CRHR2: variants seen among roughly 807,000 people sequenced by gnomAD.
CRHR2 encodes the protein corticotropin releasing hormone receptor 2.
Under a neutral mutation model 57.9 loss-of-function variants are expected in CRHR2, and 53 were observed. The observed-to-expected ratio is 0.92, with a 90% confidence interval of 0.73 to 1.15. CRHR2 has a LOEUF of 1.15. Ranked by LOEUF, CRHR2 falls within the 50% of genes most tolerant of loss-of-function variation. CRHR2 has a pLI of 0.00. For missense variants in CRHR2, 532 were observed against 542.6 expected (o/e 0.98, Z 0.19); for synonymous variants, 213 against 220.9 (o/e 0.96, Z 0.32).
chr7:30,689,290 G>A (rs2128150618), intron 1 of CRHR2: 2 of 1,549,562 alleles, frequency 1.3e-6, no homozygotes, highest in Non-Finnish European at 1.7e-6. Flanking sequence ...GCTGCCTAGG[G>A]GACAGCAAGG....
intron 1 of CRHR2, among the ~76,000 whole-genome samples, chr7:30,699,231 A>T (rs979679168): frequency 2.0e-5 from 3 of 152,022 alleles, no homozygotes; most frequent in Non-Finnish European, 4.4e-5. Flanking sequence ...CTCTCTTTTG[A>T]TGGTCGCTCT....
In CRHR2 at chr7:30,665,351, C is replaced by T. The variant is rs1306383648; in HGVS notation, c.426-164G>A. Reference sequence around the variant, plus strand: ...GTTGGGCCTCTGAGTCCAGCTCCCACTCTGCACCCCACATGCCTGCTGGTG... The same window carrying T: ...GTTGGGCCTCTGAGTCCAGCTCCCATTCTGCACCCCACATGCCTGCTGGTG... On this transcript the variant is annotated intron_variant, in intron 4 of 11. Coordinates refer to ENST00000471646, the MANE Select transcript of CRHR2 (RefSeq NM_001883.5). This position sits in a 1 kb window ranked among gnomAD's most constrained non-coding sequence, Gnocchi z 4.5. 6.6e-6 allele frequency among the ~76,000 whole-genome samples: 1 copy of T among 152,162 alleles called. No homozygotes were observed. Among genetic ancestry groups the T allele is most frequent in the Non-Finnish European group, 1.5e-5 (1 of 68,026 alleles).
chr7:30,670,088 G>C (rs1247469757), intron 2 of CRHR2, among the ~76,000 whole-genome samples: 1 of 151,796 alleles, frequency 6.6e-6, no homozygotes, highest in Non-Finnish European at 1.5e-5. Context: ...TATTGCCCTT[G>C]AACCACAATA....
chr7:30,663,674 T>G (rs567393932), intron 5 of CRHR2, among the ~76,000 whole-genome samples: 1 of 152,202 alleles, frequency 6.6e-6, no homozygotes, highest in Non-Finnish European at 1.5e-5. Flanking sequence ...CCTGCCCCTT[T>G]AGAGCCACGC....
At chr7:30,667,836 A>T (rs1784235261) in intron 2 of CRHR2, among the ~76,000 whole-genome samples, 1 of 152,252 alleles carries the variant, frequency 6.6e-6, no homozygotes, top group African/African-American at 2.4e-5. Flanking sequence ...AGGCATTAAT[A>T]TGAACCCATT....
At chr7:30,687,425 C>G (rs1278941886), upstream of CRHR2, among the ~76,000 whole-genome samples, 1 of 150,906 alleles carries the variant, frequency 6.6e-6, no homozygotes, top group Non-Finnish European at 1.5e-5. Flanking sequence ...TATGGACACA[C>G]TATTATCCCA....
upstream of CRHR2, among the ~76,000 whole-genome samples, chr7:30,685,230 G>A (rs1464509200): frequency 6.6e-6 from 1 of 152,182 alleles, no homozygotes; most frequent in Non-Finnish European, 1.5e-5. Flanking sequence ...AGACACACTT[G>A]CAAAGCCTAA....
At chr7:30,676,621 T>C (rs1447777666) in intron 2 of CRHR2, among the ~76,000 whole-genome samples, 3 of 152,188 alleles carry the variant, frequency 2.0e-5, no homozygotes, top group African/African-American at 7.2e-5. Context: ...CTTCCCGATC[T>C]CTGACTGTTG....
chr7:30,686,353 C>A, upstream of CRHR2: 2 of 1,508,108 alleles, frequency 1.3e-6, no homozygotes, highest in South Asian at 1.3e-5. Context: ...ATGCTCTAGA[C>A]TTCAGCCCAG....
chr7:30,686,516 T>C, upstream of CRHR2: 1 of 1,507,562 alleles, frequency 6.6e-7, no homozygotes, highest in Non-Finnish European at 8.8e-7. Context: ...TTTGAATCCA[T>C]TCGGATTCTT....
chr7:30,692,465 C>T (rs956832186), intron 1 of CRHR2, among the ~76,000 whole-genome samples: 5 of 152,262 alleles, frequency 3.3e-5, no homozygotes, highest in East Asian at 1.9e-4. Context: ...TTGAGGAAAC[C>T]GAAGGCCGTT....
intron 3 of CRHR2, among the ~76,000 whole-genome samples, chr7:30,666,291 C>T (rs899193565): frequency 6.6e-6 from 1 of 152,084 alleles, no homozygotes; most frequent in Non-Finnish European, 1.5e-5. Flanking sequence ...GGAGACCACA[C>T]GAGGGGGTGC....
At position 30,662,785 on chromosome 7, in the gene CRHR2, C is replaced by T. The variant is rs1784059219; in HGVS notation, c.606G>A (p.Met202Ile). 1 of 1,614,230 alleles carries T rather than the reference C, an allele frequency of 6.2e-7. No homozygotes were observed. Among genetic ancestry groups the T allele is most frequent in the Non-Finnish European group, 8.5e-7 (1 of 1,180,034 alleles). Residue 202 changes from methionine (M) to isoleucine (I), a missense_variant, in exon 6 of 12, where the codon ATG becomes ATA. Coordinates refer to ENST00000471646, the MANE Select transcript of CRHR2 (RefSeq NM_001883.5). ...TGTGCAGGTAGCAGCCTTCCACAAACATCCAGAAGAAGTTGGTCACCACGA... is the reference window on the plus strand; with the variant it reads ...TGTGCAGGTAGCAGCCTTCCACAAATATCCAGAAGAAGTTGGTCACCACGA... ...NYFVVTNFFW[M>I]FVEGCYLHTA...
chr7:30,695,411 CG>C (rs1785037437), intron 1 of CRHR2, among the ~76,000 whole-genome samples: 1 of 152,098 alleles, frequency 6.6e-6, no homozygotes, highest in Admixed American at 6.5e-5. Context: ...CCAGCTCCCC[CG>C]GGAGGCTTTA....
At chr7:30,661,722 C>T (rs1784005460) in intron 7 of CRHR2, among the ~76,000 whole-genome samples, 1 of 152,098 alleles carries the variant, frequency 6.6e-6, no homozygotes, top group South Asian at 2.1e-4. Flanking sequence ...CAGGATGGGA[C>T]ACTGCACCCA....
At chr7:30,677,560 A>G (rs1269562181) in intron 2 of CRHR2, among the ~76,000 whole-genome samples, 2 of 152,324 alleles carry the variant, frequency 1.3e-5, no homozygotes, top group African/African-American at 4.8e-5. Context: ...GGTTCGGAGA[A>G]TCCTGGGGTA....
chr7:30,658,056 C>A (rs1783857840), intron 8 of CRHR2, among the ~76,000 whole-genome samples: 1 of 152,132 alleles, frequency 6.6e-6, no homozygotes, highest in African/African-American at 2.4e-5. Flanking sequence ...AGTTATGTGG[C>A]CCCACTCATC....
At chr7:30,661,731 C>G (rs561903593) in intron 7 of CRHR2, among the ~76,000 whole-genome samples, 5 of 152,244 alleles carry the variant, frequency 3.3e-5, no homozygotes, top group Admixed American at 3.3e-4. Context: ...ACACTGCACC[C>G]AGGCAGAGAC....
chr7:30,663,278 AAAAAT>A (rs1395716447), intron 5 of CRHR2, among the ~76,000 whole-genome samples: 2 of 152,216 alleles, frequency 1.3e-5, no homozygotes, highest in Admixed American at 1.3e-4. Context: ...AAAAAAATGA[AAAAAT>A]AAAAGTGAGT....
Sources: gnomAD v4.1 joint callset for allele counts (sites outside exome capture counted in the v4.1 genomes callset) on GRCh38, gnomAD v4.1.1 for gene constraint, Gnocchi (gnomAD v3.1) non-coding constraint, MANE v1.5 for transcripts, NCBI Gene and HGNC (gene_info 2026-07-23, HGNC 2026-07-21) for gene names.